AFF3: variants seen among roughly 807,000 people sequenced by gnomAD.
AFF3 encodes AF4/FMR2 family member 3.
A neutral mutation model predicts 129.7 loss-of-function variants in AFF3; 32 were observed. That is an observed-to-expected ratio of 0.25 (90% confidence interval 0.19 to 0.33). The LOEUF is 0.33. Among genes scored for constraint, AFF3 ranks in the 10% least tolerant of loss-of-function variants. AFF3 has a pLI of 1.00. For missense variants in AFF3, 1,373 were observed against 1,592.0 expected, an observed-to-expected ratio of 0.86 and a Z score of 2.34; for synonymous variants, 644 against 635.4, an observed-to-expected ratio of 1.01 and a Z score of -0.20.
rs772354560 is a variant in AFF3 at position 100,110,506 on chromosome 2, G to A, written c.-144-4923C>T. Among the ~76,000 whole-genome samples the A allele has an allele frequency of 3.3e-5, 5 of 152,346 alleles. No individual in the cohort carries two copies. In the South Asian group the frequency reaches 6.2e-4, roughly 19 times the overall value. ...ATTGGTAGTCCCCATGCAGCCCTCG[G>A]AGGAAACCGAAGCTGCAAATGCAGC... On this transcript the variant is annotated intron_variant, in intron 2 of 24. Transcript: ENST00000672756.
intron 4 of AFF3, among the ~76,000 whole-genome samples, chr2:100,099,498 C>G (rs967909148): frequency 1.3e-5 from 2 of 152,042 alleles, no homozygotes; most frequent in African/African-American, 4.8e-5. Context: ...AAGATCCACA[C>G]TTTATTCCCT....
chr2:100,052,537 A>C (rs1020818060), intron 4 of AFF3, among the ~76,000 whole-genome samples: 2 of 152,100 alleles, frequency 1.3e-5, no homozygotes, highest in Non-Finnish European at 2.9e-5. Context: ...TCCCGTGTTA[A>C]CAGCAAACTT....
intron 16 of AFF3, 139 bp downstream of exon 16, chr2:99,587,015 G>C: frequency 9.1e-7 from 1 of 1,092,980 alleles, no homozygotes; most frequent in Non-Finnish European, 1.3e-6. Context: ...AATAAGATTT[G>C]GGTTAAAGGA....
chr2:100,109,935 A>C, intron 2 of AFF3: 1 of 152,178 alleles, frequency 6.6e-6, no homozygotes, highest in East Asian at 1.9e-4. Flanking sequence ...TCATGCTCAC[A>C]GGCACTGAAA....
At position 100,006,552 on chromosome 2, in the gene AFF3, C is replaced by T. The variant is rs1019533592; in HGVS notation, c.873+80G>A. ...AACCACATCACTGAAAAAAAAGAAA[C>T]ATGGAAACTGAATTCACGAGGGTCA... On this transcript the variant is annotated intron_variant, in intron 7 of 24. Transcript: ENST00000672756. The T allele has an allele frequency of 2.7e-6, 4 of 1,471,952 alleles. No individual in the cohort carries two copies. The African/African-American group carries it at 4.2e-5, about 15-fold the overall frequency. The allele number at this position is 1,471,952 out of a possible 1,614,324, so 91.2% of individuals were successfully genotyped here. A position where few individuals can be genotyped will look rare whatever the true frequency, so the allele number is the denominator to read the frequency against.
intron 7 of AFF3, among the ~76,000 whole-genome samples, chr2:99,927,995 AAT>A (rs1696390611): frequency 6.6e-6 from 1 of 152,112 alleles, no homozygotes; most frequent in Non-Finnish European, 1.5e-5. Context: ...TGGTTTTAAA[AAT>A]GGGAGTTCCC....
At chr2:99,683,298 T>C (rs1009258516) in intron 11 of AFF3, among the ~76,000 whole-genome samples, 3 of 152,080 alleles carry the variant, frequency 2.0e-5, no homozygotes, top group East Asian at 1.9e-4. Flanking sequence ...GTTTACCTCC[T>C]AGGAATGTTG....
intron 2 of AFF3, among the ~76,000 whole-genome samples, chr2:100,123,407 A>G (rs1476689317): frequency 9.9e-5 from 15 of 152,176 alleles, no homozygotes. Context: ...AAGGCATATG[A>G]AAGTCGATAT....
intron 2 of AFF3, chr2:100,105,924 G>T (rs1466095352): frequency 3.8e-6 from 5 of 1,329,786 alleles, no homozygotes; most frequent in South Asian, 1.2e-5. Flanking sequence ...TCTCCCCTTT[G>T]TTCCTTTTTC....
At chr2:99,922,159 T>C (rs1695900781) in intron 7 of AFF3, among the ~76,000 whole-genome samples, 2 of 152,214 alleles carry the variant, frequency 1.3e-5, no homozygotes, top group African/African-American at 2.4e-5. Flanking sequence ...TGGAAAACTC[T>C]TTGGGAGTTT....
chr2:99,810,700 TG>T (rs1011608569), intron 8 of AFF3, among the ~76,000 whole-genome samples: 7 of 152,202 alleles, frequency 4.6e-5, no homozygotes, highest in African/African-American at 1.7e-4. Context: ...TCAAACTTAG[TG>T]GCTGAAAACA....
chr2:99,733,493 C>G (rs1270120374), intron 10 of AFF3, among the ~76,000 whole-genome samples: 1 of 151,408 alleles, frequency 6.6e-6, no homozygotes, highest in East Asian at 1.9e-4. Context: ...TTTTAATGTA[C>G]TCAAATTTAT....
intron 4 of AFF3, among the ~76,000 whole-genome samples, chr2:100,061,779 T>C (rs1244772171): frequency 2.0e-5 from 3 of 151,894 alleles, no homozygotes; most frequent in African/African-American, 7.3e-5. Flanking sequence ...CAGAGAATTT[T>C]GTTTTTCTTT....
intron 4 of AFF3, among the ~76,000 whole-genome samples, chr2:100,052,422 T>G (rs565985501): frequency 6.6e-6 from 1 of 152,246 alleles, no homozygotes; most frequent in African/African-American, 2.4e-5. Context: ...AATGACCCAG[T>G]ATGCTTGGGA....
At chr2:100,067,223 G>C (rs937553480) in intron 4 of AFF3, among the ~76,000 whole-genome samples, 4 of 149,144 alleles carry the variant, frequency 2.7e-5, no homozygotes, top group African/African-American at 9.9e-5. Flanking sequence ...TAGTTCAAAA[G>C]ACAGACAGAT....
intron 8 of AFF3, among the ~76,000 whole-genome samples, chr2:99,832,954 A>G (rs1688611693): frequency 6.6e-6 from 1 of 152,198 alleles, no homozygotes; most frequent in African/African-American, 2.4e-5. Flanking sequence ...AGTATGAGCT[A>G]GAAAAAAAAG....
rs561586924 is a variant in AFF3, at chr2:99,694,999, G to T, written c.1092-22410C>A. On this transcript the variant is annotated intron_variant, in intron 11 of 24. Transcript: ENST00000672756. ...ATTACAGGTGTGAGCCACTGTGCCT[G>T]GAGTTAATTTTAATAATGATTTAAT... Among the ~76,000 whole-genome samples the T allele has an allele frequency of 2.6e-5, 4 of 152,090 alleles. No individual in the cohort carries two copies. In the South Asian group the frequency reaches 6.2e-4, roughly 24 times the overall value.
intron 15 of AFF3, among the ~76,000 whole-genome samples, chr2:99,590,160 T>G (rs1160436845): frequency 6.6e-6 from 1 of 152,232 alleles, no homozygotes; most frequent in African/African-American, 2.4e-5. Flanking sequence ...CTCTTTGGAA[T>G]GTCTTACTAC....
At chr2:100,044,601 C>T (rs1486152439) in intron 4 of AFF3, among the ~76,000 whole-genome samples, 1 of 152,046 alleles carries the variant, frequency 6.6e-6, no homozygotes, top group Admixed American at 6.5e-5. Context: ...TACTCTCTCA[C>T]TTTTTTCCTT....
Sources: gnomAD v4.1 joint callset for allele counts (sites outside exome capture counted in the v4.1 genomes callset) on GRCh38, gnomAD v4.1.1 for gene constraint, MANE v1.5 for transcripts, NCBI Gene and HGNC (gene_info 2026-07-23, HGNC 2026-07-21) for gene names.